Variants in MAP7D3 observed in about 807,000 individuals in gnomAD.
The protein encoded by MAP7D3 is MAP7 domain containing 3.
A neutral mutation model predicts 62.2 loss-of-function variants in MAP7D3; 45 were observed. The observed-to-expected ratio is 0.72, with a 90% confidence interval of 0.57 to 0.93. The LOEUF (loss-of-function observed/expected upper bound fraction) is 0.93. MAP7D3 is among the 40% of genes least tolerant of loss of function. The pLI is 0.00. For synonymous variants in MAP7D3, 288 were observed against 248.8 expected (o/e 1.16, Z -1.48); for missense variants, 711 against 683.1 (o/e 1.04, Z -0.45).
intron 4 of MAP7D3, among the ~76,000 whole-genome samples, chrX:136,242,174 T>A (rs182344240): frequency 8.9e-6 from 1 of 112,656 alleles, no homozygotes; most frequent in East Asian, 2.8e-4. Context: ...TAAAATAAAG[T>A]TGATACAATG....
At position 136,246,271 on chromosome X, in the gene MAP7D3, G is replaced by T; in HGVS notation, c.141C>A (p.Ser47=). ...GTTTAAATGTCGATCTTATATTTGA[G>T]GAATGGGTTGCAACACGATTAACCA... ...QDVVNRVATH[S]SNIRSTFKPV... Residue 47 remains serine, a synonymous_variant, in exon 2 of 19, where the codon TCC becomes TCA. Transcript: ENST00000316077. 1 of 1,201,693 alleles carries T rather than the reference G, an allele frequency of 8.3e-7. No individual in the cohort carries two copies. The highest frequency in any genetic ancestry group is 1.1e-6 in the Non-Finnish European group (1 of 886,955).
In MAP7D3 at chrX:136,237,311, C is replaced by CA. The variant is rs745834016; in HGVS notation, c.641-973dup. 6.7e-4 allele frequency among the ~76,000 whole-genome samples: 75 copies of CA among 111,490 alleles called. No homozygotes were observed. In the East Asian group the frequency reaches 0.018, roughly 27 times the overall value. On this transcript the variant is annotated intron_variant, in intron 6 of 18. Transcript: ENST00000316077. ...GTCGGTATCCTTCATTAGCATACTG[C>CA]AAAAAATGACAAAATGGTGTGAGCA...
At chrX:136,219,882 A>C in intron 16 of MAP7D3, 1 of 459,418 alleles carries the variant, frequency 2.2e-6, no homozygotes, top group Non-Finnish European at 3.8e-6. Context: ...GGTCCCACGG[A>C]AGCACCAGGA....
In MAP7D3 at chrX:136,240,486, G is replaced by A. The variant is rs781233680; in HGVS notation, c.536C>T (p.Ala179Val). 4 of 1,105,119 alleles carry A rather than the reference G, an allele frequency of 3.6e-6. No individual in the cohort carries two copies. In the East Asian group the frequency reaches 1.2e-4, roughly 33 times the overall value. The allele number at this position is 1,105,119 out of a possible 1,213,427, so 91.1% of individuals were successfully genotyped here. The change falls in exon 6 of 19, where the codon GCC becomes GTC. Residue 179 changes from alanine to valine, a missense_variant and splice_region_variant. Physicochemically the swap from Ala to Val is moderately conservative, Grantham distance 64 (BLOSUM62 0). Transcript: ENST00000316077. ...SAMANSESKTANKRSASTEKL... is the reference protein window; with the variant it reads ...SAMANSESKTVNKRSASTEKL... The stretch of plus-strand genomic sequence containing the variant: ...TTCAGTAGATGCAGATCGTTTATTG[G>A]CTGAGAAAAGACATAATACTTACTG...
At chrX:136,237,004 T>C (rs1293068572) in intron 6 of MAP7D3, among the ~76,000 whole-genome samples, 1 of 112,317 alleles carries the variant, frequency 8.9e-6, no homozygotes, top group Non-Finnish European at 1.9e-5. Flanking sequence ...TAAATAGTTA[T>C]AACTAGTATT....
intron 12 of MAP7D3, among the ~76,000 whole-genome samples, chrX:136,226,945 A>G (rs1179834482): frequency 9.1e-6 from 1 of 110,322 alleles, no homozygotes; most frequent in Non-Finnish European, 1.9e-5. Flanking sequence ...CCTGGCCAAC[A>G]TGGTAAAACC....
Position 136,220,813 on chromosome X carries a change from A to C in MAP7D3, c.2438T>G (p.Phe813Cys). 8.3e-7 allele frequency: 1 copy of C among 1,209,528 alleles called. No homozygotes were observed. The highest frequency in any genetic ancestry group is 1.1e-6 in the Non-Finnish European group (1 of 894,819). ...AGTGTCTTTCATGCTTTTTTGTCTG[A>C]AGTTTTTCAAATCGCCATTAAAATA... ...KTYFNGDLKNFRQKSMKDTSI... is the reference protein window; with the variant it reads ...KTYFNGDLKNCRQKSMKDTSI... Residue 813 changes from phenylalanine to cysteine, a missense_variant, in exon 16 of 19, where the codon TTC (phenylalanine) becomes TGC (cysteine). Physicochemically the swap from Phe to Cys is radical, Grantham distance 205. Transcript: ENST00000316077.
intron 7 of MAP7D3, 141 bp from the exon 8 acceptor site, chrX:136,232,361 A>T: frequency 2.2e-6 from 1 of 462,590 alleles, no homozygotes. Context: ...AACACAGGAA[A>T]TGCTTAGTGA....
chrX:136,233,549 C>G (rs1205477089), intron 7 of MAP7D3, among the ~76,000 whole-genome samples: 1 of 101,756 alleles, frequency 9.8e-6, no homozygotes, highest in Non-Finnish European at 1.9e-5. Flanking sequence ...GCTGGCATTA[C>G]AGGCGTGAGA....
At chrX:136,253,100 GA>G (rs892615556), upstream of MAP7D3, among the ~76,000 whole-genome samples, 251 of 107,736 alleles carry the variant, frequency 2.3e-3, no homozygotes, top group African/African-American at 7.7e-3. Context: ...CTGTCTCGAA[GA>G]AAAAAAAAAC....
intron 1 of MAP7D3, among the ~76,000 whole-genome samples, chrX:136,250,962 C>T (rs1438570674): frequency 9.0e-6 from 1 of 111,460 alleles, no homozygotes; most frequent in South Asian, 3.7e-4. Context: ...CGGCTTCCAG[C>T]CGCCCCCGCC....
At chrX:136,240,577 T>C in intron 5 of MAP7D3, 91 bp from the exon 6 acceptor site, 2 of 571,637 alleles carry the variant, frequency 3.5e-6, no homozygotes, top group Admixed American at 5.5e-5. Context: ...GATATAGTTC[T>C]ATGGAGCACA....
Position 136,246,119 on chromosome X carries a change from T to C in MAP7D3, c.199A>G (p.Ile67Val), listed in dbSNP as rs760593115. Residue 67 changes from isoleucine (I) to valine (V), a missense_variant, in exon 3 of 19, where the codon ATA becomes GTA. Coordinates refer to ENST00000316077, the MANE Select transcript of MAP7D3 (RefSeq NM_024597.4). ...VIDGSMLKND[I>V]KQRLARERRE... ...CGCTCTCTTGCTAATCTTTGTTTTATGTCATTTTTAAGCATGGATCCATCG... is the reference window on the plus strand; with the variant it reads ...CGCTCTCTTGCTAATCTTTGTTTTACGTCATTTTTAAGCATGGATCCATCG... 12 of 1,202,147 alleles carry C rather than the reference T, an allele frequency of 1.0e-5. No individual in the cohort carries two copies. In the East Asian group the frequency reaches 3.6e-4, roughly 36 times the overall value.
At chrX:136,220,598 T>C (rs2074115164) in intron 16 of MAP7D3, among the ~76,000 whole-genome samples, 167 bp downstream of exon 16, 1 of 112,427 alleles carries the variant, frequency 8.9e-6, no homozygotes, top group South Asian at 3.7e-4. Flanking sequence ...TGATGATCCT[T>C]ACCTAGCAAG....
rs769228980 is a variant in MAP7D3 at position 136,217,598 on chromosome X, G to A, written c.*928C>T. 1 of 111,676 alleles carries A rather than the reference G, an allele frequency of 9.0e-6. No individual in the cohort carries two copies. Among genetic ancestry groups the A allele is most frequent in the East Asian group, 2.8e-4 (1 of 3,559 alleles). The allele number at this position is 111,676 out of a possible 1,213,427, so 9.2% of individuals were successfully genotyped here. ...GAGTTAAAAATATACATATATCACA[G>A]TAAAATACAATTTGCTGGATTTTGC... is the stretch of plus-strand genomic sequence containing the variant. On this transcript the variant is annotated 3_prime_UTR_variant, in exon 19 of 19. Transcript: ENST00000316077.
chrX:136,221,426 C>T (rs1377927452), intron 15 of MAP7D3, among the ~76,000 whole-genome samples: 1 of 111,988 alleles, frequency 8.9e-6, no homozygotes, highest in East Asian at 2.8e-4. Flanking sequence ...CCAGGGTTCA[C>T]GCCATTCTCC....
intron 6 of MAP7D3, among the ~76,000 whole-genome samples, chrX:136,236,950 C>T (rs1264380426): frequency 8.9e-6 from 1 of 111,797 alleles, no homozygotes; most frequent in African/African-American, 3.2e-5. Context: ...TGCATCATGG[C>T]CAAAAAGTGG....
intron 8 of MAP7D3, chrX:136,231,208 C>T: frequency 3.0e-6 from 1 of 329,227 alleles, no homozygotes; most frequent in Non-Finnish European, 5.2e-6. Context: ...TATTATCCTT[C>T]AAAACCAAAC....
chrX:136,228,138 C>T (rs2074220412), intron 11 of MAP7D3, among the ~76,000 whole-genome samples: 1 of 111,985 alleles, frequency 8.9e-6, no homozygotes, highest in African/African-American at 3.2e-5. Context: ...ATTTGCTGCC[C>T]ACAAAGGAAA....
Sources: gnomAD v4.1 joint callset for allele counts (sites outside exome capture counted in the v4.1 genomes callset) on GRCh38, gnomAD v4.1.1 for gene constraint, MANE v1.5 for transcripts, NCBI Gene and HGNC (gene_info 2026-07-23, HGNC 2026-07-21) for gene names.